The following ADGRE2 variants were observed in gnomAD, a reference collection of about 807,000 sequenced individuals.
The protein encoded by ADGRE2 is CD97 antigen.
Under a neutral mutation model 100.8 loss-of-function variants are expected in ADGRE2, and 83 were observed. That is an observed-to-expected ratio of 0.82 (90% CI 0.69 to 0.99). The LOEUF is 0.99. Ranked by LOEUF, ADGRE2 falls within the 50% of genes least tolerant of loss-of-function variation. The probability of loss-of-function intolerance (pLI) is 0.00; values close to 1 mark genes in which losing one functional copy is unlikely to be tolerated. For missense variants in ADGRE2, 814 were observed against 1,035.7 expected, an observed-to-expected ratio of 0.79 and a Z score of 2.94; for synonymous variants, 355 against 413.0, an observed-to-expected ratio of 0.86 and a Z score of 1.70.
rs577532437 is a variant in ADGRE2 at position 14,735,708 on chromosome 19, C to T, written c.*528G>A. On this transcript the variant is annotated 3_prime_UTR_variant, in exon 21 of 21. Transcript: ENST00000315576. ...CTAAAAGCTCCATGAAGGCAGGAGCCGTGTCTCTCTTGATCTATGTGTGAG... is the reference window on the plus strand; with the variant it reads ...CTAAAAGCTCCATGAAGGCAGGAGCTGTGTCTCTCTTGATCTATGTGTGAG... 6 of 152,144 alleles carry T rather than the reference C, an allele frequency of 3.9e-5. No homozygotes were observed. Among genetic ancestry groups the T allele is most frequent in the South Asian group, 2.1e-4 (1 of 4,832 alleles). The allele number at this position is 152,144 out of a possible 1,614,324, so 9.4% of individuals were successfully genotyped here.
chr19:14,766,176 G>T (rs773163221), intron 7 of ADGRE2, 59 bp downstream of exon 7: 1 of 1,612,702 alleles, frequency 6.2e-7, no homozygotes, highest in Non-Finnish European at 8.5e-7. Flanking sequence ...TGTGGGCGCC[G>T]TTGAACATGT....
chr19:14,744,403 G>A (rs551213602), intron 18 of ADGRE2, among the ~76,000 whole-genome samples: 2 of 152,116 alleles, frequency 1.3e-5, no homozygotes, highest in African/African-American at 4.8e-5. Context: ...TTTTGCACAA[G>A]GGTGCCTGGA....
intron 1 of ADGRE2, among the ~76,000 whole-genome samples, chr19:14,777,748 G>T (rs1285456487): frequency 6.7e-6 from 1 of 148,778 alleles, no homozygotes; most frequent in Admixed American, 6.9e-5. Context: ...TGTGGTGTTT[G>T]GTTTTCTGTT....
intron 5 of ADGRE2, chr19:14,769,047 G>T (rs764407300): frequency 6.6e-6 from 1 of 152,240 alleles, no homozygotes; most frequent in Non-Finnish European, 1.5e-5. Context: ...GCACCACGCA[G>T]TGAGCTCATC....
At chr19:14,767,475 G>A (rs934891767) in intron 5 of ADGRE2, among the ~76,000 whole-genome samples, 3 of 152,100 alleles carry the variant, frequency 2.0e-5, no homozygotes, top group Non-Finnish European at 4.4e-5. Flanking sequence ...TCCTGACCTC[G>A]TGATCAGCCC....
chr19:14,743,957 G>A (rs566290880), intron 18 of ADGRE2, among the ~76,000 whole-genome samples, 173 bp from the exon 19 acceptor site: 1 of 152,260 alleles, frequency 6.6e-6, no homozygotes, highest in East Asian at 1.9e-4. Context: ...ATGCCACCTG[G>A]GGTTGGCCAC....
intron 10 of ADGRE2, among the ~76,000 whole-genome samples, chr19:14,765,098 A>G (rs572448236): frequency 6.6e-6 from 1 of 152,306 alleles, no homozygotes; most frequent in African/African-American, 2.4e-5. Context: ...CTTCTGTGCA[A>G]TATCAATGCT....
rs2044461487 is a variant in ADGRE2, at chr19:14,776,821, C to T, written c.-65G>A. ...AGTGAGTGGGACAGGGCTGTCCCGT[C>T]TCCGCAGGCTGGGCAGCTGTGCGGG... On this transcript the variant is annotated 5_prime_UTR_variant, in exon 2 of 21. Coordinates refer to ENST00000315576, the MANE Select transcript of ADGRE2 (RefSeq NM_013447.4). 1 of 1,604,860 alleles carries T rather than the reference C, an allele frequency of 6.2e-7. No individual in the cohort carries two copies. The highest frequency in any genetic ancestry group is 1.3e-5 in the African/African-American group (1 of 74,610).
At position 14,734,756 on chromosome 19, in the gene ADGRE2, GAGAA is replaced by G. The variant is rs2042719193; in HGVS notation, c.*1476_*1479del. 1 of 152,144 alleles carries G rather than the reference GAGAA, an allele frequency of 6.6e-6. No individual in the cohort carries two copies. Among genetic ancestry groups the G allele is most frequent in the African/African-American group, 2.4e-5 (1 of 41,442 alleles). 9.4% of individuals were successfully genotyped at this position (152,144 alleles called of 1,614,324 possible). ...GCAGAGGTTTAATAGGCAAAAGAAA[GAGAA>G]AGGAGAACAGCTCTTTCTCTTGCAT... On this transcript the variant is annotated 3_prime_UTR_variant, in exon 21 of 21. Coordinates refer to ENST00000315576, the MANE Select transcript of ADGRE2 (RefSeq NM_013447.4).
chr19:14,763,794 CCT>C (rs1470992704), intron 11 of ADGRE2, among the ~76,000 whole-genome samples: 3 of 78,192 alleles, frequency 3.8e-5, no homozygotes, highest in South Asian at 1.0e-3. Context: ...TTCTCCTCCT[CCT>C]CTCTTTCTCC....
intron 18 of ADGRE2, 27 bp downstream of exon 18, chr19:14,746,205 T>C (rs1176460816): frequency 1.5e-6 from 2 of 1,353,694 alleles, no homozygotes; most frequent in Admixed American, 1.7e-5. Flanking sequence ...CATGTCTGTG[T>C]GGTTATCACC....
At position 14,769,719 on chromosome 19, in the gene ADGRE2, G is replaced by A. The variant is rs905459276; in HGVS notation, c.356-2610C>T. ...CTCCTTTTCTTTTCTTTTTTTTGGAGACGGAGTCTCGCTCTGTCGTCCAGG... is the reference window on the plus strand; with the variant it reads ...CTCCTTTTCTTTTCTTTTTTTTGGAAACGGAGTCTCGCTCTGTCGTCCAGG... On this transcript the variant is annotated intron_variant, in intron 5 of 20. Coordinates refer to ENST00000315576, the MANE Select transcript of ADGRE2 (RefSeq NM_013447.4). Among the ~76,000 whole-genome samples the A allele has an allele frequency of 2.6e-5, 4 of 151,664 alleles. No individual in the cohort carries two copies. The East Asian group carries it at 7.8e-4, about 29-fold the overall frequency.
chr19:14,740,941 T>G (rs1175186929), intron 20 of ADGRE2, among the ~76,000 whole-genome samples: 1 of 151,776 alleles, frequency 6.6e-6, no homozygotes, highest in African/African-American at 2.4e-5. Context: ...TTTGCCATGT[T>G]GCACAGGTTG....
Position 14,764,603 on chromosome 19 carries a change from A to G in ADGRE2, c.914T>C (p.Leu305Ser), listed in dbSNP as rs2043880320. Reference sequence around the variant, plus strand: ...CTCCAGCAGCTCATCCAGCGCCTGTAAGATGCTCTGGAGGGATGTGGACAC... The same window carrying G: ...CTCCAGCAGCTCATCCAGCGCCTGTGAGATGCTCTGGAGGGATGTGGACAC... ...GLANNTIQSI[L>S]QALDELLEAP... The change falls in exon 11 of 21, where the codon TTA becomes TCA. Residue 305 changes from leucine (L) to serine (S), a missense_variant. By Grantham distance (145) the Leu-to-Ser change is moderately radical (BLOSUM62 -2). This residue lies in a region of ADGRE2 where 569 missense variants were observed against 692.7 expected (regional missense o/e 0.82). Coordinates refer to ENST00000315576, the MANE Select transcript of ADGRE2 (RefSeq NM_013447.4). The G allele has an allele frequency of 1.9e-6, 3 of 1,611,678 alleles. No individual in the cohort carries two copies. Among genetic ancestry groups the G allele is most frequent in the Non-Finnish European group, 2.5e-6 (3 of 1,179,532 alleles).
intron 20 of ADGRE2, among the ~76,000 whole-genome samples, chr19:14,737,679 G>A (rs1283965596): frequency 3.3e-5 from 5 of 151,908 alleles, no homozygotes; most frequent in African/African-American, 4.8e-5. Context: ...GTATCTATCT[G>A]GGCCAGGTGT....
At position 14,752,372 on chromosome 19, in the gene ADGRE2, G is replaced by T. The variant is rs1284354132; in HGVS notation, c.1745C>A (p.Ala582Asp). 1 of 1,614,200 alleles carries T rather than the reference G, an allele frequency of 6.2e-7. No individual in the cohort carries two copies. The highest frequency in any genetic ancestry group is 8.5e-7 in the Non-Finnish European group (1 of 1,180,036). ...HLQLSLCLFL[A>D]HLLFLVAIDQ... ...AATTGCCACGAGGAAGAGGAGGTGG[G>T]CCAGGAAGAGGCAGAGCGAGAGCTG... is the stretch of plus-strand genomic sequence containing the variant. Residue 582 changes from alanine (A) to aspartate (D), a missense_variant, in exon 15 of 21, where the codon GCC (alanine) becomes GAC (aspartate). Ala to Asp is a moderately radical substitution (Grantham distance 126, BLOSUM62 -2). Coordinates refer to ENST00000315576, the MANE Select transcript of ADGRE2 (RefSeq NM_013447.4).
chr19:14,725,070 A>C, the ADGRE2 span, among the ~76,000 whole-genome samples: 3 of 152,204 alleles, frequency 2.0e-5, no homozygotes, highest in Non-Finnish European at 4.4e-5. Flanking sequence ...GCCTCTGCTC[A>C]GCTTCTGGCG....
chr19:14,735,314 T>A lies in ADGRE2; in HGVS notation c.*922A>T, dbSNP rs1445339177. 1 of 152,202 alleles carries A rather than the reference T, an allele frequency of 6.6e-6. No homozygotes were observed. Among genetic ancestry groups the A allele is most frequent in the African/African-American group, 2.4e-5 (1 of 41,424 alleles). 9.4% of individuals were successfully genotyped at this position (152,202 alleles called of 1,614,324 possible). A position where few individuals can be genotyped will look rare whatever the true frequency, so the allele number is the denominator to read the frequency against. Reference sequence around the variant, plus strand: ...TCTGTTGCCCACACTGGTCTCAAACTCCTGGGCTTGAGCCATCCTCCTGCC... The same window carrying A: ...TCTGTTGCCCACACTGGTCTCAAACACCTGGGCTTGAGCCATCCTCCTGCC... On this transcript the variant is annotated 3_prime_UTR_variant, in exon 21 of 21. Coordinates refer to ENST00000315576, the MANE Select transcript of ADGRE2 (RefSeq NM_013447.4).
intron 7 of ADGRE2, chr19:14,766,026 T>G (rs1228348206): frequency 9.6e-7 from 1 of 1,039,014 alleles, no homozygotes; most frequent in Non-Finnish European, 1.4e-6. Flanking sequence ...AGTCATCAGC[T>G]GTTGCCTGGG....
Sources: gnomAD v4.1 joint callset for allele counts (sites outside exome capture counted in the v4.1 genomes callset) on GRCh38, gnomAD v4.1.1 for gene constraint, gnomAD v4.1.1 regional missense constraint, MANE v1.5 for transcripts, NCBI Gene and HGNC (gene_info 2026-07-23, HGNC 2026-07-21) for gene names.